Variants in TP53BP2 observed in about 807,000 individuals in gnomAD.
TP53BP2 encodes the protein tumor protein p53 binding protein 2.
A neutral mutation model predicts 126.2 loss-of-function variants in TP53BP2; 62 were observed. The ratio of observed to expected loss-of-function variants is 0.49; its 90% CI spans 0.40 to 0.61. The LOEUF is 0.61. TP53BP2 is among the 20% of genes least tolerant of loss of function. TP53BP2 has a pLI of 0.00. For synonymous variants in TP53BP2, 485 were observed against 502.9 expected (o/e 0.96, Z 0.48); for missense variants, 1,215 against 1,402.8 (o/e 0.87, Z 2.14).
At chr1:223,794,899 T>C (rs1220606112) in intron 13 of TP53BP2, among the ~76,000 whole-genome samples, 1 of 152,232 alleles carries the variant, frequency 6.6e-6, no homozygotes, top group East Asian at 1.9e-4. Context: ...ATCTAAAAGA[T>C]AATAAGGAAT....
In TP53BP2 at chr1:223,796,745, G is replaced by A. The variant is rs936417981; in HGVS notation, c.1949-155C>T. ...ATATAATTAATTTTTAAAAATAAAT[G>A]ACAAAGCAGGGAATCCATCTTTGCA... On this transcript the variant is annotated intron_variant, in intron 12 of 17. Coordinates refer to ENST00000343537, the MANE Select transcript of TP53BP2 (RefSeq NM_001031685.3). This position sits in a 1 kb window ranked among gnomAD's most constrained non-coding sequence, Gnocchi z 4.2. Among the ~76,000 whole-genome samples the A allele has an allele frequency of 2.6e-5, 4 of 152,080 alleles. No individual in the cohort carries two copies. The highest frequency in any genetic ancestry group is 9.7e-5 in the African/African-American group (4 of 41,414).
At chr1:223,812,292 C>G (rs1490764543) in intron 3 of TP53BP2, among the ~76,000 whole-genome samples, 1 of 152,162 alleles carries the variant, frequency 6.6e-6, no homozygotes, top group African/African-American at 2.4e-5. Context: ...GTCAATTCTG[C>G]CCCTCAGCTA....
chr1:223,826,386 A>G (rs866993520), intron 1 of TP53BP2, among the ~76,000 whole-genome samples: 3 of 152,314 alleles, frequency 2.0e-5, no homozygotes, highest in Middle Eastern at 3.4e-3. Flanking sequence ...ACAAGCCCTC[A>G]GGTGATGTTG....
intron 15 of TP53BP2, among the ~76,000 whole-genome samples, chr1:223,789,881 C>T (rs1662090582): frequency 6.6e-6 from 1 of 152,068 alleles, no homozygotes; most frequent in South Asian, 2.1e-4. Context: ...TACCACTGTC[C>T]AAACTCAGAA....
chr1:223,802,719 C>T lies in TP53BP2; in HGVS notation c.996+12G>A, dbSNP rs772069200. The T allele has an allele frequency of 1.3e-5, 21 of 1,613,534 alleles. No homozygotes were observed. Among genetic ancestry groups the T allele is most frequent in the Admixed American group, 3.3e-5 (2 of 59,976 alleles). On this transcript the variant is annotated intron_variant, in intron 8 of 17. Transcript: ENST00000343537. ...CCTCCTCCCCAAAACCATTACAAAA[C>T]GGCCCACTTACTGGTAGATTTTCTT...
At chr1:223,782,882 TG>T (rs1264399041) in intron 17 of TP53BP2, among the ~76,000 whole-genome samples, 1 of 152,168 alleles carries the variant, frequency 6.6e-6, no homozygotes, top group Non-Finnish European at 1.5e-5. Context: ...TATTATGAAA[TG>T]GTTATTTCAT....
rs200954230 is a variant in TP53BP2 at position 223,796,293 on chromosome 1, C to A, written c.2246G>T (p.Gly749Val). Reference sequence around the variant, plus strand: ...CTTCTGAATATTTGGCCCATTAGGACCCTCTGGCTCTGTAATAGAACTACG... The same window carrying A: ...CTTCTGAATATTTGGCCCATTAGGAACCTCTGGCTCTGTAATAGAACTACG... ...KKRSSITEPE[G>V]PNGPNIQKLL... Residue 749 changes from glycine (G) to valine (V), a missense_variant, in exon 13 of 18, where the codon GGT (glycine) becomes GTT (valine). Transcript: ENST00000343537. The surrounding 1 kb of genome is among the most constrained non-coding windows in gnomAD (Gnocchi z 4.2). 1.2e-6 allele frequency: 2 copies of A among 1,614,112 alleles called. No individual in the cohort carries two copies. The highest frequency in any genetic ancestry group is 1.7e-6 in the Non-Finnish European group (2 of 1,180,036).
intron 17 of TP53BP2, among the ~76,000 whole-genome samples, chr1:223,783,257 C>A (rs904945407): frequency 6.6e-6 from 1 of 152,202 alleles, no homozygotes; most frequent in East Asian, 1.9e-4. Context: ...CAGCCCTCCC[C>A]ACGTTCCTTC....
chr1:223,840,272 C>T (rs1664062052), intron 1 of TP53BP2, among the ~76,000 whole-genome samples: 1 of 152,228 alleles, frequency 6.6e-6, no homozygotes, highest in Admixed American at 6.5e-5. Flanking sequence ...ATTTTAATGT[C>T]TCACCTACCA....
At chr1:223,827,997 G>T (rs1663561691) in intron 1 of TP53BP2, among the ~76,000 whole-genome samples, 1 of 152,056 alleles carries the variant, frequency 6.6e-6, no homozygotes, top group African/African-American at 2.4e-5. Context: ...ATTCACTTCT[G>T]TTTCATTTTG....
chr1:223,814,202 G>T, intron 3 of TP53BP2, 38 bp downstream of exon 3: 1 of 1,484,008 alleles, frequency 6.7e-7, no homozygotes. Context: ...CAAAATAAAA[G>T]CTTAAATATC....
At chr1:223,812,929 C>T (rs752458511) in intron 3 of TP53BP2, among the ~76,000 whole-genome samples, 41 of 151,786 alleles carry the variant, frequency 2.7e-4, no homozygotes, top group Non-Finnish European at 4.1e-4. Context: ...AACTCCTGAT[C>T]TAAGGTGATC....
intron 13 of TP53BP2, among the ~76,000 whole-genome samples, chr1:223,794,939 C>A (rs917968168): frequency 2.0e-5 from 3 of 152,126 alleles, no homozygotes; most frequent in African/African-American, 4.8e-5. Context: ...TAAAAAAATT[C>A]TTTTAATGCT....
At chr1:223,835,220 G>A (rs1374073159) in intron 1 of TP53BP2, among the ~76,000 whole-genome samples, 1 of 152,198 alleles carries the variant, frequency 6.6e-6, no homozygotes, top group Non-Finnish European at 1.5e-5. Flanking sequence ...GCCAGACAAT[G>A]TCTCAAAGAA....
chr1:223,800,131 TC>T, intron 10 of TP53BP2, 84 bp from the exon 11 acceptor site: 1 of 1,374,648 alleles, frequency 7.3e-7, no homozygotes, highest in Non-Finnish European at 9.7e-7. Context: ...CCCCTAAATC[TC>T]CCTGAAAATC....
intron 2 of TP53BP2, chr1:223,818,136 A>G (rs1022026977): frequency 3.3e-5 from 5 of 152,720 alleles, no homozygotes; most frequent in East Asian, 3.9e-4. Context: ...GGCTAAAATC[A>G]TAAGTGATTA....
intron 1 of TP53BP2, among the ~76,000 whole-genome samples, chr1:223,842,051 T>C (rs1482385594): frequency 1.3e-5 from 2 of 152,090 alleles, no homozygotes; most frequent in African/African-American, 4.8e-5. Context: ...AAGATTCTCC[T>C]GCCTCAGCCT....
chr1:223,787,116 G>A (rs907527886), intron 16 of TP53BP2, among the ~76,000 whole-genome samples: 1 of 151,082 alleles, frequency 6.6e-6, no homozygotes, highest in Non-Finnish European at 1.5e-5. Flanking sequence ...GGCTGGTCTC[G>A]AACTTCTGAC....
chr1:223,840,514 G>A (rs1664069120), intron 1 of TP53BP2, among the ~76,000 whole-genome samples: 1 of 152,174 alleles, frequency 6.6e-6, no homozygotes, highest in East Asian at 1.9e-4. Flanking sequence ...GCTGGTGAGA[G>A]GTATGGTATG....
Sources: allele counts gnomAD v4.1 joint callset (sites outside exome capture counted in the v4.1 genomes callset), GRCh38; gene constraint gnomAD v4.1.1; non-coding constraint Gnocchi (gnomAD v3.1); transcripts MANE v1.5; gene names NCBI Gene and HGNC (gene_info 2026-07-23, HGNC 2026-07-21).